RPTOR: variants seen among roughly 807,000 people sequenced by gnomAD.
RPTOR encodes the protein regulatory-associated protein of mTOR.
Under a neutral mutation model 169.9 loss-of-function variants are expected in RPTOR, and 21 were observed. That is an observed-to-expected ratio of 0.12 (90% CI 0.09 to 0.18). The LOEUF is 0.18. Among genes scored for constraint, RPTOR ranks in the 10% least tolerant of loss-of-function variants. The probability of loss-of-function intolerance (pLI) is 1.00; values close to 1 mark genes in which losing one functional copy is unlikely to be tolerated. For synonymous variants in RPTOR, 732 were observed against 753.2 expected (o/e 0.97, Z 0.46); for missense variants, 1,133 against 1,855.9 (o/e 0.61, Z 7.16).
intron 3 of RPTOR, among the ~76,000 whole-genome samples, chr17:80,683,752 G>A (rs1439860986): frequency 1.3e-5 from 2 of 152,042 alleles, no homozygotes; most frequent in Non-Finnish European, 1.5e-5. Context: ...CACCCTCCAA[G>A]CTCACTCCTG....
At chr17:80,887,481 A>G (rs1471642804) in intron 17 of RPTOR, among the ~76,000 whole-genome samples, 1 of 152,172 alleles carries the variant, frequency 6.6e-6, no homozygotes, top group Admixed American at 6.5e-5. Flanking sequence ...CACCATGGGC[A>G]GGCACGGTGC....
At chr17:80,906,518 G>A (rs1436640249) in intron 20 of RPTOR, among the ~76,000 whole-genome samples, 5 of 152,216 alleles carry the variant, frequency 3.3e-5, no homozygotes, top group South Asian at 4.1e-4. Flanking sequence ...CTCCCAAGAC[G>A]TTCCCACTGC....
intron 17 of RPTOR, among the ~76,000 whole-genome samples, chr17:80,891,494 C>T (rs2068323033): frequency 6.6e-6 from 1 of 152,244 alleles, no homozygotes; most frequent in African/African-American, 2.4e-5. Context: ...TTCTGGCAGG[C>T]ATTCTGGGCT....
chr17:80,744,641 TAGCACTCTCCTGGTTACG>T (rs1263200508), intron 5 of RPTOR, among the ~76,000 whole-genome samples: 4 of 37,806 alleles, frequency 1.1e-4, no homozygotes, highest in African/African-American at 6.4e-4. Context: ...CCCTGGCTAC[TAGCACTCTCCTGGTTACG>T]AGCACAGCCC....
intron 13 of RPTOR, among the ~76,000 whole-genome samples, chr17:80,870,109 TC>T (rs1452438267): frequency 1.3e-5 from 2 of 152,206 alleles, no homozygotes; most frequent in Non-Finnish European, 2.9e-5. Flanking sequence ...TGAGGGTTTT[TC>T]ATAGATAAAA....
intron 3 of RPTOR, among the ~76,000 whole-genome samples, chr17:80,685,618 TATATATATA>T (rs1422843631): frequency 1.2e-4 from 3 of 25,146 alleles, no homozygotes; most frequent in South Asian, 1.9e-3. Context: ...TATATATATA[TATATATATA>T]TTTTTTTTTT....
rs936714681 is a variant in RPTOR at position 80,878,316 on chromosome 17, C to G, written c.1510-2099C>G. 7.9e-5 allele frequency among the ~76,000 whole-genome samples: 12 copies of G among 152,146 alleles called. No homozygotes were observed. The highest frequency in any genetic ancestry group is 2.7e-4 in the African/African-American group (11 of 41,408). ...TGCAGTTTCAGACTGCTTTCACATG[C>G]GTGGTTTCATCTCTGACTCCACGAC... On this transcript the variant is annotated intron_variant, in intron 13 of 33. Coordinates refer to ENST00000306801, the MANE Select transcript of RPTOR (RefSeq NM_020761.3). This position sits in a 1 kb window ranked among gnomAD's most constrained non-coding sequence, Gnocchi z 4.1.
At chr17:80,552,978 T>G (rs2084363760) in intron 1 of RPTOR, among the ~76,000 whole-genome samples, 1 of 152,240 alleles carries the variant, frequency 6.6e-6, no homozygotes. Context: ...GGGCTTCTCC[T>G]AGACCCTTGC....
At chr17:80,548,078 CTTTTTTT>C (rs55928458) in intron 1 of RPTOR, among the ~76,000 whole-genome samples, 3 of 102,768 alleles carry the variant, frequency 2.9e-5, no homozygotes, top group Admixed American at 1.0e-4. Flanking sequence ...TTTTCTGTTT[CTTTTTTT>C]TTTTTTTTTT....
In RPTOR at chr17:80,688,421, A is replaced by T. The variant is rs556146361; in HGVS notation, c.349-19420A>T. On this transcript the variant is annotated intron_variant, in intron 3 of 33. Transcript: ENST00000306801. ...GTTTCTCTCTGGATCAATAATTAAAAGGTTTATCAAGAAGTCTGAAGGTAA... is the reference window on the plus strand; with the variant it reads ...GTTTCTCTCTGGATCAATAATTAAATGGTTTATCAAGAAGTCTGAAGGTAA... Among the ~76,000 whole-genome samples the T allele has an allele frequency of 2.6e-5, 4 of 152,360 alleles. No individual in the cohort carries two copies. In the South Asian group the frequency reaches 8.3e-4, roughly 32 times the overall value.
chr17:80,881,043 C>T (rs970520549), intron 14 of RPTOR, among the ~76,000 whole-genome samples: 4 of 152,168 alleles, frequency 2.6e-5, no homozygotes, highest in African/African-American at 9.7e-5. Flanking sequence ...ATAAATGTTT[C>T]ATAATGTTTT....
In RPTOR at chr17:80,878,958, CCCT is replaced by C. The variant is rs1176075271; in HGVS notation, c.1510-1450_1510-1448del. Reference sequence around the variant, plus strand: ...GAAGCCCCTTCCTCTAGGGGCCCGTCCCTCCTCCTTCCCCAGGCCCCGTCCCCC... The same window carrying C: ...GAAGCCCCTTCCTCTAGGGGCCCGTCCCTCCTTCCCCAGGCCCCGTCCCCC... On this transcript the variant is annotated intron_variant, in intron 13 of 33. Coordinates refer to ENST00000306801, the MANE Select transcript of RPTOR (RefSeq NM_020761.3). This position sits in a 1 kb window ranked among gnomAD's most constrained non-coding sequence, Gnocchi z 4.1. Among the ~76,000 whole-genome samples the C allele has an allele frequency of 6.6e-6, 1 of 152,116 alleles. No individual in the cohort carries two copies. The highest frequency in any genetic ancestry group is 1.5e-5 in the Non-Finnish European group (1 of 68,024).
At position 80,959,421 on chromosome 17, in the gene RPTOR, C is replaced by G. The variant is rs1158186291; in HGVS notation, c.3478-657C>G. Among the ~76,000 whole-genome samples the G allele has an allele frequency of 1.3e-5, 2 of 152,164 alleles. No homozygotes were observed. Among genetic ancestry groups the G allele is most frequent in the Non-Finnish European group, 2.9e-5 (2 of 68,010 alleles). ...CAGGTGCTCCCAGAGCCGGCTCTGC[C>G]CCTCGCAGGGGTCTGGCCCCATCAT... is the stretch of plus-strand genomic sequence containing the variant. On this transcript the variant is annotated intron_variant, in intron 29 of 33. Coordinates refer to ENST00000306801, the MANE Select transcript of RPTOR (RefSeq NM_020761.3). The surrounding 1 kb of genome is among the most constrained non-coding windows in gnomAD (Gnocchi z 6.7).
At chr17:80,574,827 A>ATTTTTTTTTTTT (rs555426915) in intron 1 of RPTOR, among the ~76,000 whole-genome samples, 4 of 121,432 alleles carry the variant, frequency 3.3e-5, no homozygotes, top group Admixed American at 9.6e-5. Context: ...AGCTTATTTA[A>ATTTTTTTTTTTT]TTTTTTTTTT....
intron 3 of RPTOR, among the ~76,000 whole-genome samples, chr17:80,697,939 C>A (rs1598232744): frequency 6.6e-6 from 1 of 152,046 alleles, no homozygotes; most frequent in African/African-American, 2.4e-5. Context: ...TTCCTGTGAC[C>A]CACTGGGCAC....
At chr17:80,719,283 G>T (rs928912541) in intron 4 of RPTOR, among the ~76,000 whole-genome samples, 4 of 152,284 alleles carry the variant, frequency 2.6e-5, no homozygotes, top group African/African-American at 9.6e-5. Context: ...GTACCTGTCA[G>T]CCCGGGGGAA....
intron 1 of RPTOR, among the ~76,000 whole-genome samples, chr17:80,565,216 C>T (rs1342832247): frequency 6.6e-6 from 1 of 152,220 alleles, no homozygotes; most frequent in African/African-American, 2.4e-5. Flanking sequence ...AGTCCTTACC[C>T]TTGAGACTTG....
In RPTOR at chr17:80,754,695, A is replaced by C. The variant is rs2066662503; in HGVS notation, c.830+510A>C. On this transcript the variant is annotated intron_variant, in intron 6 of 33. Transcript: ENST00000306801. The surrounding 1 kb of genome is among the most constrained non-coding windows in gnomAD (Gnocchi z 4.2). ...GTGTGTGATATTCCAAGATGGTAGAAGCCGCATTTCAGCCCCAACATCCCC... is the reference window on the plus strand; with the variant it reads ...GTGTGTGATATTCCAAGATGGTAGACGCCGCATTTCAGCCCCAACATCCCC... Among the ~76,000 whole-genome samples, 10 of 152,230 alleles carry C rather than the reference A, an allele frequency of 6.6e-5. No homozygotes were observed. The highest frequency in any genetic ancestry group is 6.5e-4 in the Admixed American group (10 of 15,284).
At chr17:80,576,766 T>C (rs557157018) in intron 1 of RPTOR, among the ~76,000 whole-genome samples, 1 of 152,346 alleles carries the variant, frequency 6.6e-6, no homozygotes, top group East Asian at 1.9e-4. Context: ...TAAAGTGGCA[T>C]GACCTTGGCT....
Sources: gnomAD v4.1 joint callset for allele counts (sites outside exome capture counted in the v4.1 genomes callset) on GRCh38, gnomAD v4.1.1 for gene constraint, Gnocchi (gnomAD v3.1) non-coding constraint, MANE v1.5 for transcripts, NCBI Gene and HGNC (gene_info 2026-07-23, HGNC 2026-07-21) for gene names.